The following SELENOT variants were observed in gnomAD, a reference collection of about 807,000 sequenced individuals.
SELENOT encodes the protein thioredoxin reductase-like selenoprotein T.
In SELENOT, 9 loss-of-function variants were observed where a neutral mutation model predicts 24.3. The ratio of observed to expected loss-of-function variants is 0.37; its 90% CI spans 0.22 to 0.65. SELENOT has a LOEUF of 0.65. Among genes scored for constraint, SELENOT ranks in the 30% least tolerant of loss-of-function variants. SELENOT has a pLI of 0.60. For synonymous variants in SELENOT, 81 were observed against 86.0 expected (o/e 0.94, Z 0.32); for missense variants, 166 against 247.6 (o/e 0.67, Z 2.21).
intron 1 of SELENOT, among the ~76,000 whole-genome samples, chr3:150,604,655 G>A (rs1488270081): frequency 1.3e-5 from 2 of 152,116 alleles, no homozygotes; most frequent in African/African-American, 4.8e-5. Context: ...TTTAAAAATC[G>A]GCTTAAGGTG....
intron 2 of SELENOT, among the ~76,000 whole-genome samples, chr3:150,622,814 G>A (rs1051565070): frequency 2.6e-5 from 4 of 152,052 alleles, no homozygotes; most frequent in African/African-American, 9.7e-5. Context: ...TAAAATAATA[G>A]TATTTTTAAA....
chr3:150,603,687 G>A (rs935055652), intron 1 of SELENOT, 188 bp downstream of exon 1: 17 of 602,394 alleles, frequency 2.8e-5, no homozygotes, highest in African/African-American at 2.7e-4. Flanking sequence ...CCTTTTCCAG[G>A]TATAACTGCT....
At chr3:150,610,433 A>C (rs1726062439) in intron 1 of SELENOT, among the ~76,000 whole-genome samples, 2 of 152,214 alleles carry the variant, frequency 1.3e-5, no homozygotes, top group African/African-American at 4.8e-5. Flanking sequence ...AACAGTCTTA[A>C]CATTTCAATC....
In SELENOT at chr3:150,603,488, G is replaced by A. The variant is rs375515435; in HGVS notation, c.126G>A (p.Lys42=). 1,998 of 1,606,876 alleles carry A rather than the reference G, an allele frequency of 1.2e-3. 29 individuals carry two copies. Among genetic ancestry groups the A allele is most frequent in the Admixed American group, 3.4e-4 (20 of 59,616 alleles). The change falls in exon 1 of 6, where the codon AAG becomes AAA. Residue 42 remains lysine (K), a synonymous_variant. Coordinates refer to ENST00000471696, the MANE Select transcript of SELENOT (RefSeq NM_016275.5). ...KMQYATGPLL[K]FQICVSUGYR... is the part of the protein sequence containing the mutation. ...AGTACGCCACGGGGCCGCTGCTCAA[G>A]TTCCAGATTTGGTGAGTATGTGCAC...
chr3:150,622,721 T>G (rs1283747188), intron 2 of SELENOT, among the ~76,000 whole-genome samples: 1 of 151,986 alleles, frequency 6.6e-6, no homozygotes, highest in Non-Finnish European at 1.5e-5. Context: ...TCTAAAGATG[T>G]GTTTTCATAT....
intron 1 of SELENOT, among the ~76,000 whole-genome samples, chr3:150,612,216 C>T (rs1726112309): frequency 6.6e-6 from 1 of 152,068 alleles, no homozygotes; most frequent in African/African-American, 2.4e-5. Context: ...CCTCAGTCTC[C>T]TGAGTAGCTG....
rs539855696 is a variant in SELENOT, at chr3:150,625,909, G to A, written c.463+1010G>A. ...TTTTGAGACGGAGTCTCGCTGTGTCGCCCAGGCTGGAGTGCCGTGGCGCGA... is the reference window on the plus strand; with the variant it reads ...TTTTGAGACGGAGTCTCGCTGTGTCACCCAGGCTGGAGTGCCGTGGCGCGA... On this transcript the variant is annotated intron_variant, in intron 4 of 5. Coordinates refer to ENST00000471696, the MANE Select transcript of SELENOT (RefSeq NM_016275.5). 3.6e-3 allele frequency among the ~76,000 whole-genome samples: 521 copies of A among 142,746 alleles called. 6 individuals carry two copies. Among genetic ancestry groups the A allele is most frequent in the Non-Finnish European group, 3.9e-3 (257 of 66,648 alleles). 93.6% of individuals were successfully genotyped at this position (142,746 alleles called of 152,430 possible).
At chr3:150,613,409 G>A (rs891825318) in intron 1 of SELENOT, among the ~76,000 whole-genome samples, 5 of 152,058 alleles carry the variant, frequency 3.3e-5, no homozygotes, top group African/African-American at 1.2e-4. Flanking sequence ...CACTGTTAAA[G>A]CATGTTTCTT....
intron 1 of SELENOT, among the ~76,000 whole-genome samples, chr3:150,616,045 G>T (rs1160012578): frequency 6.6e-6 from 1 of 151,722 alleles, no homozygotes; most frequent in Non-Finnish European, 1.5e-5. Flanking sequence ...AAATGATGCC[G>T]CATATCTACA....
In SELENOT at chr3:150,627,014, A is replaced by C; in HGVS notation, c.468A>C (p.Val156=). Residue 156 remains valine, a synonymous_variant, in exon 5 of 6, where the codon GTA becomes GTC. Transcript: ENST00000471696. ...CGGTGCCATTTATTTTTATAGATGT[A>C]CCTGTGTGGTCTAAGCTGGAATCTG... ...TGAFEITLND[V]PVWSKLESGH... is the part of the protein sequence containing the mutation. 1 of 1,611,290 alleles carries C rather than the reference A, an allele frequency of 6.2e-7. No homozygotes were observed. The highest frequency in any genetic ancestry group is 1.1e-5 in the South Asian group (1 of 90,530).
intron 1 of SELENOT, among the ~76,000 whole-genome samples, chr3:150,606,588 C>T (rs1196339826): frequency 6.6e-6 from 1 of 152,130 alleles, no homozygotes; most frequent in African/African-American, 2.4e-5. Flanking sequence ...GTTCTCTAAT[C>T]AGAGCTTAAA....
intron 1 of SELENOT, among the ~76,000 whole-genome samples, chr3:150,619,833 C>A (rs566759710): frequency 5.9e-5 from 9 of 152,182 alleles, no homozygotes; most frequent in African/African-American, 2.2e-4. Flanking sequence ...TGCTGCTTCA[C>A]AACAGAAAAA....
intron 2 of SELENOT, 122 bp from the exon 3 acceptor site, chr3:150,622,921 T>A: frequency 1.1e-6 from 1 of 882,902 alleles, no homozygotes; most frequent in Non-Finnish European, 1.6e-6. Context: ...TTTAATTGCT[T>A]TTTCTATAAG....
intron 1 of SELENOT, among the ~76,000 whole-genome samples, chr3:150,611,035 GTA>G (rs1491051097): frequency 7.3e-5 from 11 of 150,900 alleles, no homozygotes; most frequent in African/African-American, 2.0e-4. Context: ...GTGTGTGTGT[GTA>G]TTTGTTTTTG....
rs1346956585 is a variant in SELENOT at position 150,630,308 on chromosome 3, TAAACA to T, written c.*2680_*2684del. On this transcript the variant is annotated 3_prime_UTR_variant, in exon 6 of 6. Transcript: ENST00000471696. Reference sequence around the variant, plus strand: ...ATTTCAAAAATAGCTTACAGGATTTTAAACATGGTGTGGTATTCTAAAGCCTTTTT... The same window carrying T: ...ATTTCAAAAATAGCTTACAGGATTTTTGGTGTGGTATTCTAAAGCCTTTTT... 1.3e-5 allele frequency: 2 copies of T among 152,222 alleles called. No individual in the cohort carries two copies. Among genetic ancestry groups the T allele is most frequent in the African/African-American group, 2.4e-5 (1 of 41,468 alleles). 9.4% of individuals were successfully genotyped at this position (152,222 alleles called of 1,614,324 possible).
At chr3:150,624,766 A>AAG (rs1726405511) in intron 3 of SELENOT, 46 bp from the exon 4 acceptor site, 2 of 1,222,486 alleles carry the variant, frequency 1.6e-6, no homozygotes, top group Non-Finnish European at 1.2e-6. Context: ...AAGAGCATTT[A>AAG]CCAAACATGA....
chr3:150,616,603 C>T lies in SELENOT; in HGVS notation c.138-5782C>T, dbSNP rs990185303. Among the ~76,000 whole-genome samples the T allele has an allele frequency of 3.3e-5, 5 of 152,164 alleles. 1 individual carries two copies. Among genetic ancestry groups the T allele is most frequent in the Non-Finnish European group, 7.3e-5 (5 of 68,032 alleles). ...TAGCCAAAAAACACATGAAAAAATG[C>T]TTACCATCACTGGCCATCAGAGAAA... On this transcript the variant is annotated intron_variant, in intron 1 of 5. Coordinates refer to ENST00000471696, the MANE Select transcript of SELENOT (RefSeq NM_016275.5).
At chr3:150,606,381 G>A (rs1016194621) in intron 1 of SELENOT, among the ~76,000 whole-genome samples, 5 of 151,754 alleles carry the variant, frequency 3.3e-5, no homozygotes, top group Non-Finnish European at 5.9e-5. Context: ...CTGTATGCCA[G>A]GAATTAAGCA....
chr3:150,623,162 A>C lies in SELENOT; in HGVS notation c.368A>C (p.Glu123Ala). The change falls in exon 3 of 6, where the codon GAA (glutamate) becomes GCA (alanine). Residue 123 changes from glutamate to alanine, a missense_variant. Around this residue, in one of 5 missense-constraint regions of SELENOT, gnomAD observed 3 missense variants for 20.9 expected, o/e 0.14. Coordinates refer to ENST00000471696, the MANE Select transcript of SELENOT (RefSeq NM_016275.5). ...QAPSIWQWGQ[E>A]NKVYACMMVF... ...CCTAGCATCTGGCAGTGGGGCCAAG[A>C]AAATAAGGTATGTAACTTAATAGCT... is the stretch of plus-strand genomic sequence containing the variant. 1 of 1,601,786 alleles carries C rather than the reference A, an allele frequency of 6.2e-7. No homozygotes were observed. The highest frequency in any genetic ancestry group is 8.5e-7 in the Non-Finnish European group (1 of 1,174,450).
Sources: allele counts gnomAD v4.1 joint callset (sites outside exome capture counted in the v4.1 genomes callset), GRCh38; gene constraint gnomAD v4.1.1; regional missense constraint gnomAD v4.1.1; transcripts MANE v1.5; gene names NCBI Gene and HGNC (gene_info 2026-07-23, HGNC 2026-07-21).